The following USH2A variants were observed in gnomAD, a reference collection of about 807,000 sequenced individuals.
USH2A encodes Usher syndrome 2A (autosomal recessive, mild).
Under a neutral mutation model 538.9 loss-of-function variants are expected in USH2A, and 443 were observed. That is an observed-to-expected ratio of 0.82 (90% CI 0.76 to 0.89). The LOEUF (loss-of-function observed/expected upper bound fraction) is 0.89, where lower values mean the gene tolerates loss of function less well. Ranked by LOEUF, USH2A falls within the 40% of genes least tolerant of loss-of-function variation. The pLI, the probability that USH2A is intolerant of heterozygous loss-of-function variation, is 0.00. For missense variants in USH2A, 6,633 were observed against 6,324.8 expected, an observed-to-expected ratio of 1.05 and a Z score of -1.65; for synonymous variants, 2,413 against 2,273.5, an observed-to-expected ratio of 1.06 and a Z score of -1.75.
At position 215,782,762 on chromosome 1, in the gene USH2A, A is replaced by G. The variant is rs111033264; in HGVS notation, c.10561T>C (p.Trp3521Arg). ...DNLEDTIVLN[W>R]RKPIQSNGPI... ...CCATTTGATTGTATAGGTTTTCTCC[A>G]GTTTAAGACAATTGTATCTTCAAGA... The change falls in exon 53 of 72, where the codon TGG becomes CGG. Residue 3521 changes from tryptophan to arginine, a missense_variant. By Grantham distance (101) the Trp-to-Arg change is moderately radical. Coordinates refer to ENST00000307340, the MANE Select transcript of USH2A (RefSeq NM_206933.4). 3.0e-5 allele frequency: 48 copies of G among 1,613,710 alleles called. No individual in the cohort carries two copies. Among genetic ancestry groups the G allele is most frequent in the Admixed American group, 5.0e-5 (3 of 59,976 alleles).
intron 13 of USH2A, among the ~76,000 whole-genome samples, chr1:216,237,823 T>C (rs1255435573): frequency 6.6e-6 from 1 of 152,228 alleles, no homozygotes; most frequent in Non-Finnish European, 1.5e-5. Context: ...TTTACTTTTT[T>C]TTGTTTTCCA....
intron 40 of USH2A, among the ~76,000 whole-genome samples, chr1:215,890,340 G>T (rs58215020): frequency 0.11 from 16,259 of 152,180 alleles, 1,135 homozygotes; most frequent in African/African-American, 0.19. Flanking sequence ...TACAAAGAAG[G>T]TTGAAATTTT....
chr1:215,782,446 A>G (rs1661670172), intron 53 of USH2A, among the ~76,000 whole-genome samples: 1 of 152,170 alleles, frequency 6.6e-6, no homozygotes, highest in Non-Finnish European at 1.5e-5. Context: ...TTTCAATATT[A>G]AAACTCTTTC....
chr1:216,277,862 G>A (rs184920460), intron 11 of USH2A, among the ~76,000 whole-genome samples: 25 of 152,216 alleles, frequency 1.6e-4, no homozygotes, highest in Admixed American at 1.3e-4. Context: ...TCCAGGCAAT[G>A]GAAGGAGCAT....
intron 11 of USH2A, among the ~76,000 whole-genome samples, chr1:216,278,821 AC>A (rs1173483349): frequency 6.6e-6 from 1 of 152,234 alleles, no homozygotes; most frequent in Non-Finnish European, 1.5e-5. Context: ...AATGACAAAT[AC>A]CTAATTCTGA....
intron 3 of USH2A, among the ~76,000 whole-genome samples, chr1:216,366,802 C>T (rs919648060): frequency 1.3e-5 from 2 of 152,088 alleles, no homozygotes; most frequent in African/African-American, 4.8e-5. Context: ...TACCTCAAAT[C>T]ATATACCAAG....
intron 13 of USH2A, among the ~76,000 whole-genome samples, chr1:216,236,175 A>C (rs2035812575): frequency 6.6e-6 from 1 of 152,058 alleles, no homozygotes. Context: ...TTTTCAATTA[A>C]ATTAGGTATG....
At chr1:215,719,199 A>G (rs1659580747) in intron 61 of USH2A, among the ~76,000 whole-genome samples, 1 of 152,028 alleles carries the variant, frequency 6.6e-6, no homozygotes, top group African/African-American at 2.4e-5. Context: ...TGCTGATATA[A>G]TCCCAGATCT....
At chr1:215,899,536 C>A (rs779748080) in intron 40 of USH2A, among the ~76,000 whole-genome samples, 12 of 152,106 alleles carry the variant, frequency 7.9e-5, no homozygotes, top group Non-Finnish European at 1.3e-4. Flanking sequence ...CTAGAAAATT[C>A]TCTTTATTGG....
At chr1:215,797,253 A>C (rs1662168759) in intron 50 of USH2A, among the ~76,000 whole-genome samples, 1 of 152,202 alleles carries the variant, frequency 6.6e-6, no homozygotes, top group African/African-American at 2.4e-5. Flanking sequence ...ATGAGGTTTA[A>C]GAAAAAAAGC....
chr1:216,225,923 T>G (rs1192191026), intron 14 of USH2A, among the ~76,000 whole-genome samples: 1 of 152,104 alleles, frequency 6.6e-6, no homozygotes, highest in Non-Finnish European at 1.5e-5. Context: ...GGCATCTGAA[T>G]GGGTGATCAT....
chr1:216,050,349 G>A (rs1185591288), intron 30 of USH2A, among the ~76,000 whole-genome samples: 1 of 152,030 alleles, frequency 6.6e-6, no homozygotes, highest in African/African-American at 2.4e-5. Flanking sequence ...CGGTCTTGAA[G>A]GAAAGGCCTT....
intron 50 of USH2A, among the ~76,000 whole-genome samples, chr1:215,795,533 G>A (rs749404053): frequency 1.3e-5 from 2 of 152,108 alleles, no homozygotes; most frequent in Non-Finnish European, 2.9e-5. Flanking sequence ...AACAAAGGAC[G>A]GAGTATAGCA....
intron 4 of USH2A, among the ~76,000 whole-genome samples, chr1:216,361,661 G>A (rs1057041332): frequency 2.0e-5 from 3 of 152,148 alleles, no homozygotes; most frequent in Admixed American, 6.5e-5. Context: ...TAATGATCAG[G>A]AAATGCACTA....
intron 5 of USH2A, 98 bp from the exon 6 acceptor site, chr1:216,325,697 C>T (rs956518502): frequency 6.9e-5 from 79 of 1,149,332 alleles, no homozygotes; most frequent in Non-Finnish European, 9.0e-5. Context: ...TTAGTGCTTT[C>T]ATGAGTATCC....
At chr1:215,847,763 A>C (rs941614425) in intron 44 of USH2A, among the ~76,000 whole-genome samples, 1 of 152,176 alleles carries the variant, frequency 6.6e-6, no homozygotes, top group African/African-American at 2.4e-5. Flanking sequence ...AGATCCCAGC[A>C]TATGGCCATA....
chr1:216,385,642 C>T (rs982021101), intron 3 of USH2A, among the ~76,000 whole-genome samples: 1 of 152,150 alleles, frequency 6.6e-6, no homozygotes, highest in Admixed American at 6.5e-5. Context: ...TAATAAAAGG[C>T]TGTTTTAATA....
intron 38 of USH2A, among the ~76,000 whole-genome samples, chr1:215,932,361 A>C (rs1339814974): frequency 6.6e-6 from 1 of 152,028 alleles, no homozygotes; most frequent in Non-Finnish European, 1.5e-5. Flanking sequence ...AACTCTCAGT[A>C]CTAATTTAAT....
Position 216,262,566 on chromosome 1 carries a change from TA to T in USH2A, c.1972-11469del, listed in dbSNP as rs548868912. Reference sequence around the variant, plus strand: ...AGAATAAGAAAGAATAAAGAAAGCCTACAGGACTTGTGGGACACCATTAAGC... The same window carrying T: ...AGAATAAGAAAGAATAAAGAAAGCCTCAGGACTTGTGGGACACCATTAAGC... On this transcript the variant is annotated intron_variant, in intron 11 of 71. Transcript: ENST00000307340. Among the ~76,000 whole-genome samples the T allele has an allele frequency of 1.1e-3, 168 of 152,164 alleles. 1 individual carries two copies. The highest frequency in any genetic ancestry group is 3.9e-3 in the African/African-American group (160 of 41,544).
Sources: gnomAD v4.1 joint callset for allele counts (sites outside exome capture counted in the v4.1 genomes callset) on GRCh38, gnomAD v4.1.1 for gene constraint, MANE v1.5 for transcripts, NCBI Gene and HGNC (gene_info 2026-07-23, HGNC 2026-07-21) for gene names.